RBFOX1: variants seen among roughly 807,000 people sequenced by gnomAD.
The protein encoded by RBFOX1 is RNA binding fox-1 homolog 1.
RBFOX1 carries 8 observed loss-of-function variants against 57.7 expected under a neutral mutation model. The observed-to-expected ratio is 0.14, with a 90% CI of 0.08 to 0.25. RBFOX1 has a LOEUF of 0.25. Among genes scored for constraint, RBFOX1 ranks in the 10% least tolerant of loss-of-function variants. The pLI, the probability that RBFOX1 is intolerant of heterozygous loss-of-function variation, is 1.00. For synonymous variants in RBFOX1, 326 were observed against 222.4 expected, an observed-to-expected ratio of 1.47 and a Z score of -4.15; for missense variants, 611 against 548.5, an observed-to-expected ratio of 1.11 and a Z score of -1.14.
At chr16:6,724,160 C>G (rs1329002401) in intron 3 of RBFOX1, among the ~76,000 whole-genome samples, 1 of 151,626 alleles carries the variant, frequency 6.6e-6, no homozygotes, top group African/African-American at 2.4e-5. Flanking sequence ...CTTTACAGAC[C>G]TCCTTGCCTT....
At chr16:7,480,232 G>A (rs1299571398) in intron 4 of RBFOX1, among the ~76,000 whole-genome samples, 1 of 152,156 alleles carries the variant, frequency 6.6e-6, no homozygotes, top group Non-Finnish European at 1.5e-5. Context: ...TGCAGCACTG[G>A]GCCTCGGGAA....
chr16:5,797,994 C>T (rs542085423), intron 3 of RBFOX1, among the ~76,000 whole-genome samples: 3 of 152,288 alleles, frequency 2.0e-5, no homozygotes, highest in East Asian at 1.9e-4. Context: ...TTTGTATGCA[C>T]CTACTGTGTG....
chr16:7,120,260 G>A (rs560359678), intron 4 of RBFOX1, among the ~76,000 whole-genome samples: 2 of 150,886 alleles, frequency 1.3e-5, no homozygotes, highest in South Asian at 4.3e-4. Context: ...AACAATGTAA[G>A]TGCATATCAT....
rs575199022 is a variant in RBFOX1 at position 5,576,829 on chromosome 16, C to T, written c.259-22073C>T. 1.3e-3 allele frequency among the ~76,000 whole-genome samples: 200 copies of T among 152,330 alleles called. 1 individual carries two copies. In the Middle Eastern group the frequency reaches 0.027, roughly 21 times the overall value. On this transcript the variant is annotated intron_variant, in intron 2 of 2. Transcript: ENST00000585867. ...GGAATAAGAAGCTGAAGGGTCTGAGCGCTAGAGAACTAAATAAATAGAGGG... is the reference window on the plus strand; with the variant it reads ...GGAATAAGAAGCTGAAGGGTCTGAGTGCTAGAGAACTAAATAAATAGAGGG...
chr16:6,070,825 C>G (rs1027929246), intron 1 of RBFOX1, among the ~76,000 whole-genome samples: 2 of 151,588 alleles, frequency 1.3e-5, no homozygotes, highest in African/African-American at 2.4e-5. Flanking sequence ...TCGCCCCCCC[C>G]ACACACACAT....
At chr16:5,426,112 C>G (rs1184367548) in intron 1 of RBFOX1, among the ~76,000 whole-genome samples, 1 of 152,080 alleles carries the variant, frequency 6.6e-6, no homozygotes, top group Non-Finnish European at 1.5e-5. Context: ...CAGGTGAAAT[C>G]CAAAGATGCT....
At position 6,399,902 on chromosome 16, in the gene RBFOX1, C is replaced by T. The variant is rs551029044; in HGVS notation, c.-64+82845C>T. 2.6e-5 allele frequency among the ~76,000 whole-genome samples: 4 copies of T among 152,220 alleles called. No homozygotes were observed. In the East Asian group the frequency reaches 7.7e-4, roughly 29 times the overall value. On this transcript the variant is annotated intron_variant, in intron 2 of 15. Coordinates refer to ENST00000550418, the MANE Select transcript of RBFOX1 (RefSeq NM_018723.4). Reference sequence around the variant, plus strand: ...ATGAGTGCCCAATGAAGGGAGAAGCCCTTTGTAAAACCCCCAGATCTCGTG... The same window carrying T: ...ATGAGTGCCCAATGAAGGGAGAAGCTCTTTGTAAAACCCCCAGATCTCGTG...
chr16:7,709,888 G>C (rs2083674507), intron 15 of RBFOX1: 3 of 1,089,216 alleles, frequency 2.8e-6, no homozygotes, highest in Admixed American at 1.0e-4. Context: ...TCATTACAAA[G>C]CTTTGGCATG....
At chr16:7,330,679 C>T (rs1488639869) in intron 4 of RBFOX1, among the ~76,000 whole-genome samples, 15 of 152,024 alleles carry the variant, frequency 9.9e-5, no homozygotes, top group African/African-American at 2.4e-5. Context: ...GCTCAGGAAA[C>T]TAAGAGTCTA....
chr16:5,704,901 G>A (rs2051186049), intron 3 of RBFOX1, among the ~76,000 whole-genome samples: 1 of 152,258 alleles, frequency 6.6e-6, no homozygotes, highest in African/African-American at 2.4e-5. Flanking sequence ...CTTACATCAT[G>A]GGGATTTAAC....
intron 3 of RBFOX1, among the ~76,000 whole-genome samples, chr16:6,717,560 C>T (rs555225472): frequency 6.6e-6 from 1 of 151,804 alleles, no homozygotes; most frequent in East Asian, 2.0e-4. Context: ...TTAAGATAGC[C>T]TGTGAGCCTG....
intron 4 of RBFOX1, among the ~76,000 whole-genome samples, chr16:7,302,111 C>T (rs991032230): frequency 1.3e-5 from 2 of 152,164 alleles, no homozygotes; most frequent in African/African-American, 4.8e-5. Flanking sequence ...CCTGGATGAA[C>T]TTCTGCCTAG....
chr16:6,960,825 C>G (rs769176419), intron 3 of RBFOX1, among the ~76,000 whole-genome samples: 1 of 151,868 alleles, frequency 6.6e-6, no homozygotes, highest in Admixed American at 6.6e-5. Flanking sequence ...CTGACCCAAA[C>G]AAAGTCAAAG....
At chr16:6,104,825 G>A (rs1297508651) in intron 1 of RBFOX1, among the ~76,000 whole-genome samples, 3 of 152,202 alleles carry the variant, frequency 2.0e-5, no homozygotes, top group Non-Finnish European at 1.5e-5. Context: ...CAAAGTGAAG[G>A]AAGTGAGCTG....
In RBFOX1 at chr16:6,732,545, C is replaced by T. The variant is rs560102134; in HGVS notation, c.-16+77895C>T. Among the ~76,000 whole-genome samples, 74 of 152,330 alleles carry T rather than the reference C, an allele frequency of 4.9e-4. 2 individuals are homozygous for T. In the South Asian group the frequency reaches 0.015, roughly 30 times the overall value. On this transcript the variant is annotated intron_variant, in intron 3 of 15. Coordinates refer to ENST00000550418, the MANE Select transcript of RBFOX1 (RefSeq NM_018723.4). ...AAACATTTAGTGTAGCAGGCAATTGCTTTTCATCCTGAATAGGCAGACTTT... is the reference window on the plus strand; with the variant it reads ...AAACATTTAGTGTAGCAGGCAATTGTTTTTCATCCTGAATAGGCAGACTTT...
rs188978049 is a variant in RBFOX1 at position 6,021,401 on chromosome 16, C to A, written c.-127+1409C>A. On this transcript the variant is annotated intron_variant, in intron 1 of 15. Transcript: ENST00000550418. Reference sequence around the variant, plus strand: ...CTGGATTCTTTCAATTTTTAAGTGACCACAGAGGCCCCGGCTGGAGCTACT... The same window carrying A: ...CTGGATTCTTTCAATTTTTAAGTGAACACAGAGGCCCCGGCTGGAGCTACT... 7.2e-5 allele frequency among the ~76,000 whole-genome samples: 11 copies of A among 152,190 alleles called. No homozygotes were observed. In the East Asian group the frequency reaches 2.1e-3, roughly 29 times the overall value.
chr16:6,335,567 C>G (rs950468189), intron 2 of RBFOX1, among the ~76,000 whole-genome samples: 2 of 151,766 alleles, frequency 1.3e-5, no homozygotes, highest in Non-Finnish European at 2.9e-5. Flanking sequence ...ATCACGAGGT[C>G]AAGAGATTGA....
At chr16:5,502,708 A>G (rs1227888127) in intron 2 of RBFOX1, among the ~76,000 whole-genome samples, 5 of 152,122 alleles carry the variant, frequency 3.3e-5, no homozygotes, top group Admixed American at 6.6e-5. Context: ...AGAATCCTCT[A>G]TTGAGTTATA....
chr16:5,473,364 T>G (rs1168613332), intron 2 of RBFOX1, among the ~76,000 whole-genome samples: 2 of 152,202 alleles, frequency 1.3e-5, no homozygotes, highest in Non-Finnish European at 2.9e-5. Context: ...TTGCTTATCA[T>G]CATACCTCTT....
Sources: gnomAD v4.1 joint callset for allele counts (sites outside exome capture counted in the v4.1 genomes callset) on GRCh38, gnomAD v4.1.1 for gene constraint, MANE v1.5 for transcripts, NCBI Gene and HGNC (gene_info 2026-07-23, HGNC 2026-07-21) for gene names.